SHISA9: variants seen among roughly 807,000 people sequenced by gnomAD.
SHISA9 encodes the protein shisa family member 9.
Under a neutral mutation model 38.0 loss-of-function variants are expected in SHISA9, and 13 were observed. That is an observed-to-expected ratio of 0.34 (90% CI 0.22 to 0.54). SHISA9 has a LOEUF of 0.54. SHISA9 is among the 20% of genes least tolerant of loss of function. The pLI is 0.91. For missense variants in SHISA9, 538 were observed against 575.8 expected, an observed-to-expected ratio of 0.93 and a Z score of 0.67; for synonymous variants, 275 against 242.0, an observed-to-expected ratio of 1.14 and a Z score of -1.27.
At chr16:13,097,540 A>G (rs1223702769) in intron 2 of SHISA9, among the ~76,000 whole-genome samples, 1 of 151,962 alleles carries the variant, frequency 6.6e-6, no homozygotes, top group Non-Finnish European at 1.5e-5. Flanking sequence ...AGCTAGGACT[A>G]CAGGTTTGTG....
chr16:13,469,358 GA>G, the SHISA9 span, among the ~76,000 whole-genome samples: 7,126 of 64,058 alleles, frequency 0.11, 281 homozygotes, highest in Admixed American at 0.14. Flanking sequence ...AAGAAAGAAA[GA>G]AAAGAAAAAG....
At position 13,108,478 on chromosome 16, in the gene SHISA9, CT is replaced by C. The variant is rs958270265; in HGVS notation, c.692-94915del. ...TTGGGGTCTTGCTAAGTTTCTCAGG[CT>C]GATCTTAAACTCCTGGGTCAGGTGA... On this transcript the variant is annotated intron_variant, in intron 2 of 4. Transcript: ENST00000558583. Among the ~76,000 whole-genome samples the C allele has an allele frequency of 1.4e-4, 22 of 152,032 alleles. 1 individual carries two copies.
intron 2 of SHISA9, among the ~76,000 whole-genome samples, chr16:13,074,380 A>G (rs1386548379): frequency 6.6e-6 from 1 of 152,182 alleles, no homozygotes; most frequent in Non-Finnish European, 1.5e-5. Context: ...TTGAGAACCA[A>G]TGGCTCAGAG....
chr16:13,477,556 A>C, the SHISA9 span, among the ~76,000 whole-genome samples: 5 of 152,196 alleles, frequency 3.3e-5, no homozygotes, highest in Non-Finnish European at 5.9e-5. Flanking sequence ...CTGGCCCCAA[A>C]GGCAAGTCAT....
At chr16:12,988,334 G>A (rs1350514739) in intron 2 of SHISA9, among the ~76,000 whole-genome samples, 1 of 152,090 alleles carries the variant, frequency 6.6e-6, no homozygotes, top group Admixed American at 6.5e-5. Context: ...CCCGCAGGTC[G>A]TCCCCTTCTG....
chr16:13,550,571 A>G, the SHISA9 span, among the ~76,000 whole-genome samples: 1 of 152,226 alleles, frequency 6.6e-6, no homozygotes, highest in African/African-American at 2.4e-5. Flanking sequence ...ATGTAAATGA[A>G]GCAAGATTCT....
At chr16:13,129,421 G>A (rs1349806739) in intron 2 of SHISA9, among the ~76,000 whole-genome samples, 2 of 152,146 alleles carry the variant, frequency 1.3e-5, no homozygotes, top group East Asian at 1.9e-4. Context: ...GCAGACAAGG[G>A]GAGAGTGAAA....
At chr16:13,030,009 G>T (rs1343049205) in intron 2 of SHISA9, among the ~76,000 whole-genome samples, 1 of 152,226 alleles carries the variant, frequency 6.6e-6, no homozygotes, top group Non-Finnish European at 1.5e-5. Flanking sequence ...TGATGCTGCT[G>T]TGAGGACTGA....
chr16:13,278,578 C>T, the SHISA9 span, among the ~76,000 whole-genome samples: 1 of 151,848 alleles, frequency 6.6e-6, no homozygotes, highest in Non-Finnish European at 1.5e-5. Context: ...TTTAAATTAC[C>T]ATTTCAATCT....
the SHISA9 span, among the ~76,000 whole-genome samples, chr16:13,403,077 C>T: frequency 6.6e-6 from 1 of 151,202 alleles, no homozygotes; most frequent in African/African-American, 2.4e-5. Context: ...GCACTCCAGC[C>T]TGGGGGACAG....
At chr16:13,554,056 G>T in the SHISA9 span, among the ~76,000 whole-genome samples, 1 of 151,926 alleles carries the variant, frequency 6.6e-6, no homozygotes, top group Non-Finnish European at 1.5e-5. Context: ...CCTCTATTTT[G>T]GGGGGAAAGT....
the SHISA9 span, among the ~76,000 whole-genome samples, chr16:13,326,562 C>A: frequency 0.021 from 3,155 of 152,148 alleles, 90 homozygotes; most frequent in African/African-American, 0.072. Flanking sequence ...CTCTACTAAA[C>A]CTACAAAACT....
At chr16:13,461,455 T>C in the SHISA9 span, among the ~76,000 whole-genome samples, 1 of 151,870 alleles carries the variant, frequency 6.6e-6, no homozygotes, top group Non-Finnish European at 1.5e-5. Flanking sequence ...GGCACAAGCC[T>C]GTAAACCCAG....
At chr16:12,961,352 GT>G (rs2071909741) in intron 2 of SHISA9, among the ~76,000 whole-genome samples, 1 of 152,162 alleles carries the variant, frequency 6.6e-6, no homozygotes, top group South Asian at 2.1e-4. Context: ...AGAGTCTGGT[GT>G]TTTTCTTGAC....
At chr16:13,101,984 A>T (rs2073883374) in intron 2 of SHISA9, among the ~76,000 whole-genome samples, 1 of 152,204 alleles carries the variant, frequency 6.6e-6, no homozygotes. Flanking sequence ...TCCTGCATGG[A>T]TGATTGGGTA....
chr16:13,208,450 T>TC (rs2051087939), intron 3 of SHISA9, among the ~76,000 whole-genome samples: 1 of 148,674 alleles, frequency 6.7e-6, no homozygotes, highest in African/African-American at 2.5e-5. Flanking sequence ...TTTCTTTTTT[T>TC]TTTTTTTTGA....
intron 2 of SHISA9, among the ~76,000 whole-genome samples, chr16:13,086,124 G>A (rs985846814): frequency 2.6e-5 from 4 of 152,106 alleles, no homozygotes; most frequent in African/African-American, 7.2e-5. Context: ...TTGGGAGGCC[G>A]AGGCGGGCAG....
chr16:13,112,626 A>T (rs1163394761), intron 2 of SHISA9, among the ~76,000 whole-genome samples: 1 of 148,520 alleles, frequency 6.7e-6, no homozygotes, highest in Non-Finnish European at 1.5e-5. Context: ...TGAGTTCGTG[A>T]TTTTTTTTTT....
chr16:13,453,186 C>T, the SHISA9 span, among the ~76,000 whole-genome samples: 1 of 152,126 alleles, frequency 6.6e-6, no homozygotes, highest in Admixed American at 6.5e-5. Flanking sequence ...CCGCGCCCAG[C>T]CTTGTATAGC....
Sources: allele counts gnomAD v4.1 joint callset (sites outside exome capture counted in the v4.1 genomes callset), GRCh38; gene constraint gnomAD v4.1.1; transcripts MANE v1.5; gene names NCBI Gene and HGNC (gene_info 2026-07-23, HGNC 2026-07-21).